ST8SIA4: variants seen among roughly 807,000 people sequenced by gnomAD.
ST8SIA4 encodes the protein CMP-N-acetylneuraminate-poly-alpha-2,8-sialyltransferase.
Under a neutral mutation model 33.9 loss-of-function variants are expected in ST8SIA4, and 15 were observed. That is an observed-to-expected ratio of 0.44 (90% CI 0.30 to 0.68). The LOEUF (loss-of-function observed/expected upper bound fraction) is 0.68, where lower values mean the gene tolerates loss of function less well. Among genes scored for constraint, ST8SIA4 ranks in the 30% least tolerant of loss-of-function variants. The pLI is 0.10. For synonymous variants in ST8SIA4, 171 were observed against 151.2 expected (o/e 1.13, Z -0.96); for missense variants, 321 against 428.0 (o/e 0.75, Z 2.21).
chr5:100,848,467 G>A (rs1162849114), intron 4 of ST8SIA4, among the ~76,000 whole-genome samples: 2 of 146,048 alleles, frequency 1.4e-5, no homozygotes, highest in Admixed American at 6.9e-5. Flanking sequence ...TATATACAAA[G>A]AATATACACA....
At chr5:100,834,043 T>C (rs557729082) in intron 4 of ST8SIA4, among the ~76,000 whole-genome samples, 10 of 152,280 alleles carry the variant, frequency 6.6e-5, no homozygotes, top group Admixed American at 2.0e-4. Flanking sequence ...TTGAAGAGAT[T>C]AGGATATCAT....
chr5:100,829,135 C>T (rs1751201020), intron 4 of ST8SIA4, among the ~76,000 whole-genome samples: 2 of 152,210 alleles, frequency 1.3e-5, no homozygotes, highest in South Asian at 4.1e-4. Flanking sequence ...CTTGCTCTCA[C>T]CTCACTGCCA....
Position 100,809,310 on chromosome 5 carries a change from TGTG to T in ST8SIA4, c.*2534_*2536del, listed in dbSNP as rs1387556544. 2 of 144,296 alleles carry T rather than the reference TGTG, an allele frequency of 1.4e-5. No homozygotes were observed. The highest frequency in any genetic ancestry group is 4.0e-4 in the East Asian group (2 of 5,044). The allele number at this position is 144,296 out of a possible 1,614,324, so 8.9% of individuals were successfully genotyped here. Reference sequence around the variant, plus strand: ...TACTAAAAACACAAAATTAGCCGAGTGTGGTGGTGGGCGCCTGTAACCCCAGCT... The same window carrying T: ...TACTAAAAACACAAAATTAGCCGAGTGTGGTGGGCGCCTGTAACCCCAGCT... On this transcript the variant is annotated 3_prime_UTR_variant, in exon 5 of 5. Coordinates refer to ENST00000231461, the MANE Select transcript of ST8SIA4 (RefSeq NM_005668.6).
chr5:100,844,194 G>T (rs1751523017), intron 4 of ST8SIA4, among the ~76,000 whole-genome samples: 1 of 151,914 alleles, frequency 6.6e-6, no homozygotes, highest in Non-Finnish European at 1.5e-5. Context: ...GACAGCCCCA[G>T]CATAAGATCA....
chr5:100,867,320 A>C lies in ST8SIA4; in HGVS notation c.504-10924T>G, dbSNP rs184663494. ...TCTCAAGATGTATGTATCCTGACAC[A>C]TTCTTGCCAAAATCATCAGGGAAAC... On this transcript the variant is annotated intron_variant, in intron 3 of 4. Transcript: ENST00000231461. Among the ~76,000 whole-genome samples, 354 of 152,210 alleles carry C rather than the reference A, an allele frequency of 2.3e-3. 4 individuals carry two copies. The highest frequency in any genetic ancestry group is 3.5e-3 in the South Asian group (17 of 4,828).
At chr5:100,899,418 G>T (rs900625729) in intron 1 of ST8SIA4, among the ~76,000 whole-genome samples, 1 of 152,130 alleles carries the variant, frequency 6.6e-6, no homozygotes, top group African/African-American at 2.4e-5. Flanking sequence ...TTTCATCCTA[G>T]AACAAACTGG....
chr5:100,879,480 A>G (rs1752371718), intron 3 of ST8SIA4, among the ~76,000 whole-genome samples: 1 of 152,182 alleles, frequency 6.6e-6, no homozygotes. Flanking sequence ...AAGAAATAAT[A>G]GAGATGTTGT....
At chr5:100,816,026 C>T (rs553384812) in intron 4 of ST8SIA4, among the ~76,000 whole-genome samples, 9 of 152,280 alleles carry the variant, frequency 5.9e-5, no homozygotes, top group South Asian at 4.1e-4. Flanking sequence ...ATTGTGGTAA[C>T]GTCGTTTAAC....
chr5:100,823,328 A>G lies in ST8SIA4; in HGVS notation c.798-11199T>C, dbSNP rs183488938. On this transcript the variant is annotated intron_variant, in intron 4 of 4. Transcript: ENST00000231461. Reference sequence around the variant, plus strand: ...ATGAATAATCCACCCCTTGTTTAACATATAATCAAGAAATAAACATAAAAA... The same window carrying G: ...ATGAATAATCCACCCCTTGTTTAACGTATAATCAAGAAATAAACATAAAAA... Among the ~76,000 whole-genome samples the G allele has an allele frequency of 4.6e-5, 7 of 152,368 alleles. No homozygotes were observed. In the East Asian group the frequency reaches 9.6e-4, roughly 21 times the overall value.
At chr5:100,853,973 T>TTGTGTGTG (rs370881650) in intron 4 of ST8SIA4, among the ~76,000 whole-genome samples, 5 of 17,068 alleles carry the variant, frequency 2.9e-4, no homozygotes, top group African/African-American at 4.8e-4. Context: ...TGGAATGTGT[T>TTGTGTGTG]TGTGTGTGTG....
At chr5:100,882,713 A>C (rs1752452259) in intron 3 of ST8SIA4, among the ~76,000 whole-genome samples, 1 of 152,226 alleles carries the variant, frequency 6.6e-6, no homozygotes, top group African/African-American at 2.4e-5. Context: ...GGTGCACTGC[A>C]TCCCAGCTGC....
intron 4 of ST8SIA4, among the ~76,000 whole-genome samples, chr5:100,853,908 A>G (rs1254406114): frequency 6.6e-6 from 1 of 152,106 alleles, no homozygotes; most frequent in Non-Finnish European, 1.5e-5. Flanking sequence ...AGTTTTCCAT[A>G]GTCAGGGAGG....
intron 4 of ST8SIA4, among the ~76,000 whole-genome samples, chr5:100,829,771 G>A (rs1349526600): frequency 1.3e-5 from 2 of 152,126 alleles, no homozygotes; most frequent in East Asian, 1.9e-4. Context: ...AGCCGGACGT[G>A]GTGGTGGGCG....
intron 4 of ST8SIA4, among the ~76,000 whole-genome samples, chr5:100,837,398 A>G (rs1751385543): frequency 6.6e-6 from 1 of 152,044 alleles, no homozygotes; most frequent in Admixed American, 6.6e-5. Flanking sequence ...GACAGCTAAA[A>G]TTTAAAGAAA....
rs1750715363 is a variant in ST8SIA4 at position 100,807,312 on chromosome 5, C to A, written c.*4535G>T. 1 of 152,554 alleles carries A rather than the reference C, an allele frequency of 6.6e-6. No homozygotes were observed. The highest frequency in any genetic ancestry group is 1.5e-5 in the Non-Finnish European group (1 of 67,968). The allele number at this position is 152,554 out of a possible 1,614,324, so 9.5% of individuals were successfully genotyped here. ...CAGTGTTGAACAGAATGAACTTGAA[C>A]TTGACAGAATAAACCTCATCTTTCA... On this transcript the variant is annotated 3_prime_UTR_variant, in exon 5 of 5. Coordinates refer to ENST00000231461, the MANE Select transcript of ST8SIA4 (RefSeq NM_005668.6).
At chr5:100,866,292 A>C (rs1185593918) in intron 3 of ST8SIA4, among the ~76,000 whole-genome samples, 1 of 152,120 alleles carries the variant, frequency 6.6e-6, no homozygotes, top group Non-Finnish European at 1.5e-5. Context: ...TATCAGTCAA[A>C]GCCCAAAATA....
chr5:100,865,357 C>G (rs1206824993), intron 3 of ST8SIA4, among the ~76,000 whole-genome samples: 1 of 152,094 alleles, frequency 6.6e-6, no homozygotes, highest in Non-Finnish European at 1.5e-5. Flanking sequence ...AAAAAATAGT[C>G]CAATTGATCA....
At chr5:100,836,205 A>T (rs541948053) in intron 4 of ST8SIA4, among the ~76,000 whole-genome samples, 1 of 152,106 alleles carries the variant, frequency 6.6e-6, no homozygotes. Context: ...CGCTTTGCAT[A>T]TAACTCAAAT....
At chr5:100,884,057 C>T (rs1318208059) in intron 3 of ST8SIA4, among the ~76,000 whole-genome samples, 1 of 151,938 alleles carries the variant, frequency 6.6e-6, no homozygotes, top group African/African-American at 2.4e-5. Flanking sequence ...AATCTAGGAG[C>T]CACAAAATAT....
Sources: allele counts gnomAD v4.1 joint callset (sites outside exome capture counted in the v4.1 genomes callset), GRCh38; gene constraint gnomAD v4.1.1; transcripts MANE v1.5; gene names NCBI Gene and HGNC (gene_info 2026-07-23, HGNC 2026-07-21).